TESPA1: variants seen among roughly 807,000 people sequenced by gnomAD.
TESPA1 encodes the protein protein TESPA1.
Under a neutral mutation model 57.9 loss-of-function variants are expected in TESPA1, and 33 were observed. The ratio of observed to expected loss-of-function variants is 0.57; its 90% CI spans 0.43 to 0.76. The LOEUF is 0.76. Among genes scored for constraint, TESPA1 ranks in the 30% least tolerant of loss-of-function variants. The pLI is 0.00. For missense variants in TESPA1, 618 were observed against 632.9 expected, an observed-to-expected ratio of 0.98 and a Z score of 0.25; for synonymous variants, 227 against 228.9, an observed-to-expected ratio of 0.99 and a Z score of 0.07.
rs999004991 is a variant in TESPA1, at chr12:54,950,275, C to T, written c.*117G>A. 6.6e-6 allele frequency: 3 copies of T among 456,652 alleles called. No individual in the cohort carries two copies. The highest frequency in any genetic ancestry group is 6.0e-5 in the African/African-American group (3 of 50,042). The allele number at this position is 456,652 out of a possible 1,614,324, so 28.3% of individuals were successfully genotyped here. ...TGCAGAGTTTGGGGGTTTGGAGGAC[C>T]AAGGAGTAGGGGCTGGATGTTGAGG... On this transcript the variant is annotated 3_prime_UTR_variant, in exon 11 of 11. Coordinates refer to ENST00000449076, the MANE Select transcript of TESPA1 (RefSeq NM_001136030.3).
In TESPA1 at chr12:54,963,182, G is replaced by T; in HGVS notation, c.716C>A (p.Ser239Tyr). The T allele has an allele frequency of 6.2e-7, 1 of 1,613,858 alleles. No homozygotes were observed. Among genetic ancestry groups the T allele is most frequent in the Non-Finnish European group, 8.5e-7 (1 of 1,179,852 alleles). ...VTADAFFCLY[S>Y]YVSKTPVQKF... is the part of the protein sequence containing the mutation. ...TTGGACAGGTGTCTTAGACACATAG[G>T]AGTAGAGACAGAAGAAGGCATCAGC... The change falls in exon 9 of 11, where the codon TCC (serine) becomes TAC (tyrosine). Residue 239 changes from serine to tyrosine, a missense_variant. Around this residue, in one of 3 missense-constraint regions of TESPA1, gnomAD observed 409 missense variants for 420.1 expected, o/e 0.97. Coordinates refer to ENST00000449076, the MANE Select transcript of TESPA1 (RefSeq NM_001136030.3).
At chr12:54,966,524 T>C in intron 5 of TESPA1, 100 bp from the exon 6 acceptor site, 1 of 1,387,710 alleles carries the variant, frequency 7.2e-7, no homozygotes, top group East Asian at 2.3e-5. Context: ...TCTGTTTCTT[T>C]TTGTGACTAT....
intron 3 of TESPA1, among the ~76,000 whole-genome samples, chr12:54,971,106 T>C (rs556410630): frequency 1.3e-5 from 2 of 152,250 alleles, no homozygotes; most frequent in Non-Finnish European, 2.9e-5. Flanking sequence ...TTGCCTGAGA[T>C]GTTGGTGAAC....
chr12:54,964,374 A>G (rs1168916128), intron 7 of TESPA1, among the ~76,000 whole-genome samples: 2 of 152,258 alleles, frequency 1.3e-5, no homozygotes, highest in Non-Finnish European at 2.9e-5. Context: ...TGTAAGAAAC[A>G]TAGAACCCCT....
intron 1 of TESPA1, among the ~76,000 whole-genome samples, chr12:54,977,035 C>T (rs1345189503): frequency 1.3e-5 from 2 of 151,980 alleles, no homozygotes; most frequent in Non-Finnish European, 2.9e-5. Context: ...CACAGCCTAC[C>T]TTAATCGCTT....
At chr12:54,966,492 C>A (rs1592370814) in intron 5 of TESPA1, 68 bp from the exon 6 acceptor site, 1 of 1,567,118 alleles carries the variant, frequency 6.4e-7, no homozygotes, top group East Asian at 2.2e-5. Flanking sequence ...TGTTGCCCCT[C>A]TGAACCTAAA....
At position 54,948,273 on chromosome 12, in the gene TESPA1, CT is replaced by C; in HGVS notation, c.*2118del. ...AGGCAGCAACAGGCCATTTTCACTT[CT>C]TTTGTGATTCTCCACTTGCTTCAGG... On this transcript the variant is annotated 3_prime_UTR_variant, in exon 11 of 11. Coordinates refer to ENST00000449076, the MANE Select transcript of TESPA1 (RefSeq NM_001136030.3). 5.9e-6 allele frequency: 1 copy of C among 170,558 alleles called. No individual in the cohort carries two copies. The allele number at this position is 170,558 out of a possible 1,614,324, so 10.6% of individuals were successfully genotyped here.
chr12:54,955,379 C>T (rs1191439600), intron 10 of TESPA1, among the ~76,000 whole-genome samples: 1 of 152,238 alleles, frequency 6.6e-6, no homozygotes, highest in Non-Finnish European at 1.5e-5. Context: ...CCTGTCTCTT[C>T]CAGTCTCAAT....
intron 9 of TESPA1, 68 bp downstream of exon 9, chr12:54,962,363 C>G (rs2136099658): frequency 6.5e-7 from 1 of 1,539,306 alleles, no homozygotes; most frequent in East Asian, 2.3e-5. Context: ...GGTTCTAACC[C>G]TTCATCTTCT....
chr12:54,953,191 T>C (rs1950502948), intron 10 of TESPA1, among the ~76,000 whole-genome samples: 1 of 152,204 alleles, frequency 6.6e-6, no homozygotes, highest in Non-Finnish European at 1.5e-5. Context: ...TCACTTCCTT[T>C]GTAAATTTTT....
intron 3 of TESPA1, among the ~76,000 whole-genome samples, chr12:54,969,789 G>A (rs970409290): frequency 6.6e-6 from 1 of 152,154 alleles, no homozygotes; most frequent in Non-Finnish European, 1.5e-5. Flanking sequence ...TTACAAGTCA[G>A]GGTATTTGTT....
At chr12:54,965,561 T>G (rs2136122898) in intron 7 of TESPA1, among the ~76,000 whole-genome samples, 1 of 152,354 alleles carries the variant, frequency 6.6e-6, no homozygotes, top group East Asian at 1.9e-4. Context: ...TTCGTGTATA[T>G]GAACCACATT....
chr12:54,954,237 C>T (rs1392078237), intron 10 of TESPA1, among the ~76,000 whole-genome samples: 1 of 152,198 alleles, frequency 6.6e-6, no homozygotes, highest in Non-Finnish European at 1.5e-5. Flanking sequence ...AGACCTGGGC[C>T]TTAGTTCTGG....
chr12:54,983,124 T>C (rs529225406), intron 1 of TESPA1, among the ~76,000 whole-genome samples: 2 of 152,314 alleles, frequency 1.3e-5, no homozygotes, highest in Admixed American at 6.5e-5. Context: ...GAGACCTCCA[T>C]ACTAGAATCC....
chr12:54,968,054 C>T (rs1223281072), intron 3 of TESPA1, 162 bp from the exon 4 acceptor site: 25 of 1,511,882 alleles, frequency 1.7e-5, no homozygotes, highest in African/African-American at 2.8e-5. Flanking sequence ...GGTTACTTGT[C>T]TGAAAAATTC....
chr12:54,965,678 G>A (rs1774901392), intron 7 of TESPA1, among the ~76,000 whole-genome samples: 1 of 152,094 alleles, frequency 6.6e-6, no homozygotes, highest in South Asian at 2.1e-4. Context: ...TCATTGCCTG[G>A]CCTGCCTGTC....
Position 54,961,070 on chromosome 12 carries a change from G to T in TESPA1, c.*1+98C>A, listed in dbSNP as rs1592339017. On this transcript the variant is annotated intron_variant, in intron 10 of 10. Coordinates refer to ENST00000449076, the MANE Select transcript of TESPA1 (RefSeq NM_001136030.3). ...TCCAATTAAATCAGAATTACAGAAT[G>T]TGGGACCCTTTATTATGGGTTTAAA... 4 of 1,333,930 alleles carry T rather than the reference G, an allele frequency of 3.0e-6. No homozygotes were observed. In the East Asian group the frequency reaches 7.0e-5, roughly 23 times the overall value. 82.6% of individuals were successfully genotyped at this position (1,333,930 alleles called of 1,614,324 possible).
Position 54,961,230 on chromosome 12 carries a change from C to A in TESPA1, c.1505G>T (p.Arg502Leu). The change falls in exon 10 of 11, where the codon CGC (arginine) becomes CTC (leucine). Residue 502 changes from arginine (R) to leucine (L), a missense_variant. By Grantham distance (102) the Arg-to-Leu change is moderately radical (BLOSUM62 -2). Around this residue, in one of 3 missense-constraint regions of TESPA1, gnomAD observed 409 missense variants for 420.1 expected, o/e 0.97. Coordinates refer to ENST00000449076, the MANE Select transcript of TESPA1 (RefSeq NM_001136030.3). ...SNSEEEQSQS[R>L]WPSRPRHPHH... The stretch of plus-strand genomic sequence containing the variant: ...GGGGTGCCTGGGTCTGCTGGGCCAG[C>A]GACTCTGACTCTGCTCCTCCTCACT... The A allele has an allele frequency of 6.2e-7, 1 of 1,613,924 alleles. No individual in the cohort carries two copies. The highest frequency in any genetic ancestry group is 8.5e-7 in the Non-Finnish European group (1 of 1,179,866).
intron 3 of TESPA1, among the ~76,000 whole-genome samples, chr12:54,969,055 G>GTAGA (rs35641527): frequency 0.26 from 32,517 of 127,512 alleles, 6,010 homozygotes; most frequent in East Asian, 0.89. Context: ...ATGTGTGTGT[G>GTAGA]TAGATAGATA....
Sources: gnomAD v4.1 joint callset for allele counts (sites outside exome capture counted in the v4.1 genomes callset) on GRCh38, gnomAD v4.1.1 for gene constraint, gnomAD v4.1.1 regional missense constraint, MANE v1.5 for transcripts, NCBI Gene and HGNC (gene_info 2026-07-23, HGNC 2026-07-21) for gene names.